Variants in DACH2 observed in about 807,000 individuals in gnomAD.
DACH2 encodes dachshund homolog 2.
A neutral mutation model predicts 35.8 loss-of-function variants in DACH2; 17 were observed. The ratio of observed to expected loss-of-function variants is 0.48; its 90% CI spans 0.33 to 0.71. The LOEUF is 0.71. Among genes scored for constraint, DACH2 ranks in the 30% least tolerant of loss-of-function variants. DACH2 has a pLI of 0.02. For missense variants in DACH2, 469 were observed against 472.7 expected (o/e 0.99, Z 0.07); for synonymous variants, 195 against 177.3 (o/e 1.10, Z -0.79).
At chrX:86,408,364 G>A (rs911008497) in intron 2 of DACH2, among the ~76,000 whole-genome samples, 12 of 111,709 alleles carry the variant, frequency 1.1e-4, no homozygotes, top group African/African-American at 1.6e-4. Context: ...AGGGAAGTGA[G>A]TGAAAAGTTG....
intron 2 of DACH2, among the ~76,000 whole-genome samples, chrX:86,452,418 C>T (rs772275784): frequency 5.4e-5 from 6 of 111,127 alleles, no homozygotes; most frequent in Admixed American, 9.6e-5. Flanking sequence ...CTTCTTTGTA[C>T]CTCTGGTAGT....
At chrX:86,366,714 C>T (rs1469429643) in intron 1 of DACH2, among the ~76,000 whole-genome samples, 2 of 110,612 alleles carry the variant, frequency 1.8e-5, no homozygotes, top group East Asian at 5.8e-4. Flanking sequence ...GGGTAGATCC[C>T]TCATGAATGG....
intron 1 of DACH2, among the ~76,000 whole-genome samples, chrX:86,360,304 A>T (rs761942879): frequency 6.3e-5 from 7 of 111,139 alleles, no homozygotes; most frequent in Admixed American, 5.8e-4. Context: ...CTCTTTCCCA[A>T]GGATTTTCCC....
chrX:86,621,618 T>G (rs1029175339), intron 3 of DACH2, among the ~76,000 whole-genome samples: 2 of 111,979 alleles, frequency 1.8e-5, no homozygotes, highest in Admixed American at 1.9e-4. Context: ...GCCTTATTAC[T>G]TATTCACCAT....
intron 2 of DACH2, among the ~76,000 whole-genome samples, chrX:86,499,329 C>G (rs371957186): frequency 2.6e-4 from 29 of 111,476 alleles, no homozygotes; most frequent in East Asian, 2.5e-3. Context: ...GTTCCCATAA[C>G]CCATTCCAAT....
intron 3 of DACH2, among the ~76,000 whole-genome samples, chrX:86,592,096 T>A (rs1226147191): frequency 9.0e-6 from 1 of 111,348 alleles, no homozygotes; most frequent in East Asian, 2.8e-4. Flanking sequence ...AAAGTCTTCA[T>A]CAAACCCAAG....
intron 1 of DACH2, among the ~76,000 whole-genome samples, chrX:86,182,956 T>G (rs1228820870): frequency 1.8e-5 from 2 of 111,847 alleles, no homozygotes; most frequent in African/African-American, 6.5e-5. Flanking sequence ...GGGAGTTCAC[T>G]CATGACTTGG....
intron 2 of DACH2, among the ~76,000 whole-genome samples, chrX:86,473,659 AATAATCTCC>A (rs1162464933): frequency 9.0e-5 from 10 of 111,483 alleles, no homozygotes; most frequent in African/African-American, 2.6e-4. Context: ...CACTTAGCAT[AATAATCTCC>A]ACTTCCATCC....
At chrX:86,252,944 G>T (rs1291546335) in intron 1 of DACH2, among the ~76,000 whole-genome samples, 1 of 110,517 alleles carries the variant, frequency 9.0e-6, no homozygotes, top group East Asian at 2.8e-4. Flanking sequence ...AGAAATAAAG[G>T]GCATCCAAAT....
At chrX:86,530,562 T>C (rs1025869254) in intron 3 of DACH2, among the ~76,000 whole-genome samples, 11 of 111,886 alleles carry the variant, frequency 9.8e-5, no homozygotes, top group African/African-American at 2.9e-4. Flanking sequence ...TCTGCCATGA[T>C]GGTAAGTTTC....
At chrX:86,475,814 G>T (rs1322606215) in intron 2 of DACH2, among the ~76,000 whole-genome samples, 1 of 111,875 alleles carries the variant, frequency 8.9e-6, no homozygotes, top group African/African-American at 3.3e-5. Flanking sequence ...GATACTAGCT[G>T]TGGTTCTATC....
intron 3 of DACH2, among the ~76,000 whole-genome samples, chrX:86,525,047 T>C (rs2038611897): frequency 9.0e-6 from 1 of 111,582 alleles, no homozygotes; most frequent in African/African-American, 3.2e-5. Flanking sequence ...GATTAGGAAA[T>C]GAAGAAAATG....
chrX:86,799,089 G>A (rs1055065688), intron 7 of DACH2: 3 of 329,366 alleles, frequency 9.1e-6, no homozygotes, highest in Admixed American at 7.2e-5. Flanking sequence ...TGTCGTTATG[G>A]AGCAAATAAA....
intron 2 of DACH2, among the ~76,000 whole-genome samples, chrX:86,405,893 C>T (rs1339973048): frequency 6.3e-5 from 7 of 111,551 alleles, no homozygotes; most frequent in Admixed American, 1.9e-4. Flanking sequence ...GAAACAAACA[C>T]GTCCTAATTC....
At chrX:86,597,447 G>A (rs1003064951) in intron 3 of DACH2, among the ~76,000 whole-genome samples, 7 of 111,782 alleles carry the variant, frequency 6.3e-5, no homozygotes, top group African/African-American at 2.3e-4. Context: ...TTAGAAGTGT[G>A]TATTTCAATT....
intron 1 of DACH2, among the ~76,000 whole-genome samples, chrX:86,336,807 G>T (rs2035319978): frequency 9.1e-6 from 1 of 109,753 alleles, no homozygotes; most frequent in Non-Finnish European, 1.9e-5. Flanking sequence ...CTAACCCAAT[G>T]CAAGAAAGCT....
At chrX:86,218,536 T>C (rs996761404) in intron 1 of DACH2, among the ~76,000 whole-genome samples, 1 of 111,998 alleles carries the variant, frequency 8.9e-6, no homozygotes, top group African/African-American at 3.2e-5. Context: ...TATTGTATGG[T>C]ATAATGCTTT....
chrX:86,567,254 T>G (rs1193911712), intron 3 of DACH2, among the ~76,000 whole-genome samples: 1 of 111,914 alleles, frequency 8.9e-6, no homozygotes, highest in Non-Finnish European at 1.9e-5. Flanking sequence ...TGTGATTTAT[T>G]GTCATGATTA....
At chrX:86,763,147 C>T (rs1402064757) in intron 7 of DACH2, among the ~76,000 whole-genome samples, 3 of 111,812 alleles carry the variant, frequency 2.7e-5, no homozygotes, top group African/African-American at 9.8e-5. Flanking sequence ...TCACCCCTAG[C>T]ATATCATACT....
Sources: allele counts gnomAD v4.1 joint callset (sites outside exome capture counted in the v4.1 genomes callset), GRCh38; gene constraint gnomAD v4.1.1; transcripts MANE v1.5; gene names NCBI Gene and HGNC (gene_info 2026-07-23, HGNC 2026-07-21).